The following KDM6A variants were observed in gnomAD, a reference collection of about 807,000 sequenced individuals.
The protein encoded by KDM6A is lysine-specific demethylase 6A.
In KDM6A, 11 loss-of-function variants were observed where a neutral mutation model predicts 117.6. The ratio of observed to expected loss-of-function variants is 0.09; its 90% CI spans 0.06 to 0.15. KDM6A has a LOEUF of 0.15. Ranked by LOEUF, KDM6A falls within the 10% of genes least tolerant of loss-of-function variation. The probability of loss-of-function intolerance (pLI) is 1.00; values close to 1 mark genes in which losing one functional copy is unlikely to be tolerated. For missense variants in KDM6A, 799 were observed against 1,077.3 expected, an observed-to-expected ratio of 0.74 and a Z score of 3.62; for synonymous variants, 384 against 396.1, an observed-to-expected ratio of 0.97 and a Z score of 0.36.
rs376579567 is a variant in KDM6A at position 44,994,359 on chromosome X, G to A, written c.385-16602G>A. On this transcript the variant is annotated intron_variant, in intron 4 of 29. Transcript: ENST00000611820. ...TTCCACATGTAAGTGAGATCATGCCGTTTTGTCTTTCTGTCTCTGGCTTAT... is the reference window on the plus strand; with the variant it reads ...TTCCACATGTAAGTGAGATCATGCCATTTTGTCTTTCTGTCTCTGGCTTAT... 1.6e-3 allele frequency among the ~76,000 whole-genome samples: 176 copies of A among 111,578 alleles called. 1 individual carries two copies. The highest frequency in any genetic ancestry group is 4.8e-3 in the South Asian group (13 of 2,692).
chrX:44,874,495 T>C (rs1344253215), intron 2 of KDM6A, among the ~76,000 whole-genome samples: 1 of 111,250 alleles, frequency 9.0e-6, no homozygotes, highest in Non-Finnish European at 1.9e-5. Flanking sequence ...CGGTGAAGAG[T>C]TTGCATTGGG....
intron 20 of KDM6A, 39 bp downstream of exon 20, chrX:45,078,544 T>G: frequency 9.1e-7 from 1 of 1,098,145 alleles, no homozygotes; most frequent in Non-Finnish European, 1.3e-6. Flanking sequence ...TTTGTCTCTT[T>G]GTTTTGCTAT....
Position 45,078,351 on chromosome X carries a change from A to G in KDM6A, c.2989-49A>G, listed in dbSNP as rs745544755. On this transcript the variant is annotated intron_variant, in intron 19 of 29. Coordinates refer to ENST00000611820, the MANE Select transcript of KDM6A (RefSeq NM_001291415.2). ...TATTAATTTGGAGCATAATATTTAA[A>G]TAAAAGCTCTGTTTTCCTGAGATCT... 8 of 1,108,697 alleles carry G rather than the reference A, an allele frequency of 7.2e-6. No homozygotes were observed. In the African/African-American group the frequency reaches 1.5e-4, roughly 20 times the overall value. The allele number at this position is 1,108,697 out of a possible 1,213,427, so 91.4% of individuals were successfully genotyped here. A position where few individuals can be genotyped will look rare whatever the true frequency, so the allele number is the denominator to read the frequency against.
chrX:44,904,494 G>A (rs1590393), intron 2 of KDM6A, among the ~76,000 whole-genome samples: 24,375 of 111,124 alleles, frequency 0.22, 4,341 homozygotes, highest in African/African-American at 0.61. Context: ...GTTTTTGGTT[G>A]GTCTTTTGTT....
intron 2 of KDM6A, among the ~76,000 whole-genome samples, chrX:44,951,924 C>G (rs909244766): frequency 9.0e-6 from 1 of 111,543 alleles, no homozygotes; most frequent in Non-Finnish European, 1.9e-5. Context: ...CTGTAATAGA[C>G]CCCATTTCAT....
chrX:45,040,522 C>T (rs1445626582), intron 8 of KDM6A, among the ~76,000 whole-genome samples: 61 of 56,042 alleles, frequency 1.1e-3, no homozygotes, highest in East Asian at 4.4e-3. Flanking sequence ...CCCTCCCGGA[C>T]GGGGCGGCTG....
intron 2 of KDM6A, among the ~76,000 whole-genome samples, chrX:44,940,810 C>T (rs1032500717): frequency 4.5e-5 from 5 of 111,359 alleles, no homozygotes; most frequent in Non-Finnish European, 7.5e-5. Flanking sequence ...CCGAGGTGGG[C>T]GGATCACCTG....
chrX:44,892,840 TA>T (rs2033486485), intron 2 of KDM6A, among the ~76,000 whole-genome samples: 1 of 108,007 alleles, frequency 9.3e-6, no homozygotes, highest in African/African-American at 3.4e-5. Context: ...CCGTCTCTAC[TA>T]AAAATACAAA....
chrX:45,038,787 C>T (rs1445494203), intron 8 of KDM6A, among the ~76,000 whole-genome samples: 7 of 110,976 alleles, frequency 6.3e-5, no homozygotes, highest in African/African-American at 1.6e-4. Flanking sequence ...AAGTATAACA[C>T]GTTCATTTTA....
chrX:44,895,648 C>T (rs1360720224), intron 2 of KDM6A, among the ~76,000 whole-genome samples: 1 of 108,630 alleles, frequency 9.2e-6, no homozygotes, highest in Non-Finnish European at 1.9e-5. Context: ...TATAAATTTA[C>T]ATTTCAGCAC....
intron 19 of KDM6A, 55 bp downstream of exon 19, chrX:45,076,881 T>G (rs1175156040): frequency 1.9e-6 from 2 of 1,053,406 alleles, no homozygotes; most frequent in East Asian, 6.1e-5. Flanking sequence ...TACCTGTCTT[T>G]CATAAAATCT....
At chrX:45,034,875 A>G in intron 6 of KDM6A, 56 bp from the exon 7 acceptor site, 1 of 961,555 alleles carries the variant, frequency 1.0e-6, no homozygotes, top group Non-Finnish European at 1.5e-6. Context: ...GTATCTTAAG[A>G]TGCTTTTGTG....
intron 8 of KDM6A, among the ~76,000 whole-genome samples, chrX:45,040,821 GC>G (rs1179331104): frequency 2.4e-5 from 2 of 82,427 alleles, no homozygotes; most frequent in African/African-American, 9.5e-5. Flanking sequence ...CGGGCGGGGG[GC>G]TGATCCCCCC....
At chrX:44,936,326 T>G (rs1411428088) in intron 2 of KDM6A, among the ~76,000 whole-genome samples, 1 of 111,397 alleles carries the variant, frequency 9.0e-6, no homozygotes, top group Non-Finnish European at 1.9e-5. Context: ...AGGTAATATT[T>G]TTTTTTTCAG....
chrX:45,000,899 A>G (rs993324912), intron 4 of KDM6A, among the ~76,000 whole-genome samples: 1 of 113,158 alleles, frequency 8.8e-6, no homozygotes, highest in East Asian at 2.8e-4. Context: ...AAAGGGGACA[A>G]TCTGGGCCTC....
chrX:45,056,164 T>G (rs1193061461), intron 10 of KDM6A, among the ~76,000 whole-genome samples: 1 of 111,777 alleles, frequency 8.9e-6, no homozygotes, highest in Non-Finnish European at 1.9e-5. Context: ...GGGTTCAAGG[T>G]TATCATTTTA....
intron 25 of KDM6A, among the ~76,000 whole-genome samples, chrX:45,086,984 C>T (rs2045665896): frequency 9.0e-6 from 1 of 111,709 alleles, no homozygotes; most frequent in African/African-American, 3.3e-5. Context: ...CCACATACTA[C>T]TTTATTTTTA....
At chrX:45,046,721 C>T (rs866166023) in intron 8 of KDM6A, among the ~76,000 whole-genome samples, 2 of 111,147 alleles carry the variant, frequency 1.8e-5, no homozygotes, top group African/African-American at 3.3e-5. Flanking sequence ...CATGATAAAA[C>T]GGGTGGGAGG....
At position 44,873,949 on chromosome X, in the gene KDM6A, C is replaced by T; in HGVS notation, c.187C>T (p.His63Tyr). 8.3e-7 allele frequency: 1 copy of T among 1,211,431 alleles called. No homozygotes were observed. The highest frequency in any genetic ancestry group is 1.1e-6 in the Non-Finnish European group (1 of 895,000). The change falls in exon 2 of 30, where the codon CAT becomes TAT. Residue 63 changes from histidine (H) to tyrosine (Y), a missense_variant. Coordinates refer to ENST00000611820, the MANE Select transcript of KDM6A (RefSeq NM_001291415.2). ...CCGCCTCTTTGGGTTCGTGAGATTT[C>T]ATGAAGATGGCGCCAGGACGAAGGC... ...DSRLFGFVRFHEDGARTKALL... is the reference protein window; with the variant it reads ...DSRLFGFVRFYEDGARTKALL...
Sources: gnomAD v4.1 joint callset for allele counts (sites outside exome capture counted in the v4.1 genomes callset) on GRCh38, gnomAD v4.1.1 for gene constraint, MANE v1.5 for transcripts, NCBI Gene and HGNC (gene_info 2026-07-23, HGNC 2026-07-21) for gene names.